The following NTRK3 variants were observed in gnomAD, a reference collection of about 807,000 sequenced individuals.
The protein encoded by NTRK3 is neurotrophic receptor tyrosine kinase 3.
A neutral mutation model predicts 91.7 loss-of-function variants in NTRK3; 24 were observed. The ratio of observed to expected loss-of-function variants is 0.26; its 90% CI spans 0.19 to 0.37. The LOEUF (loss-of-function observed/expected upper bound fraction) is 0.37. NTRK3 is among the 10% of genes least tolerant of loss of function. The pLI is 1.00. For missense variants in NTRK3, 880 were observed against 1,068.9 expected, an observed-to-expected ratio of 0.82 and a Z score of 2.46; for synonymous variants, 483 against 404.0, an observed-to-expected ratio of 1.20 and a Z score of -2.34.
At position 87,954,779 on chromosome 15, in the gene NTRK3, T is replaced by C. The variant is rs554918330; in HGVS notation, c.1586-14026A>G. Among the ~76,000 whole-genome samples, 4 of 152,382 alleles carry C rather than the reference T, an allele frequency of 2.6e-5. No homozygotes were observed. In the South Asian group the frequency reaches 8.3e-4, roughly 32 times the overall value. ...TTTTCACCTGCTGTGCTGTCTACAC[T>C]GTTTTCATCTAGTGGATGCTAAAAA... On this transcript the variant is annotated intron_variant, in intron 14 of 18. Transcript: ENST00000394480.
intron 14 of NTRK3, among the ~76,000 whole-genome samples, chr15:87,995,226 G>T (rs1289152902): frequency 6.6e-6 from 1 of 152,168 alleles, no homozygotes; most frequent in Non-Finnish European, 1.5e-5. Context: ...CACCAAATCT[G>T]TGCCTTAGCC....
chr15:88,014,680 CA>C (rs529466642), intron 14 of NTRK3, among the ~76,000 whole-genome samples: 21 of 152,154 alleles, frequency 1.4e-4, no homozygotes, highest in African/African-American at 3.1e-4. Context: ...TTCCACCTGC[CA>C]AAAAAACAGG....
chr15:87,910,175 A>G (rs147962900), intron 17 of NTRK3, among the ~76,000 whole-genome samples: 4,044 of 152,280 alleles, frequency 0.027, 72 homozygotes, highest in Middle Eastern at 0.061. Context: ...ATGAAGATTT[A>G]CTCACACAAG....
At chr15:87,978,807 C>A (rs1024491007) in intron 14 of NTRK3, 3 of 235,570 alleles carry the variant, frequency 1.3e-5, no homozygotes, top group African/African-American at 4.4e-5. Context: ...CTGGCTCCCC[C>A]TCCTCTTACC....
chr15:88,190,656 C>A (rs150334513), intron 3 of NTRK3, among the ~76,000 whole-genome samples: 38 of 152,340 alleles, frequency 2.5e-4, no homozygotes, highest in African/African-American at 8.4e-4. Context: ...CCTCTGCAGC[C>A]TCTTGGAGCC....
intron 13 of NTRK3, among the ~76,000 whole-genome samples, chr15:88,041,810 G>A (rs999921705): frequency 1.3e-4 from 16 of 119,474 alleles, no homozygotes; most frequent in African/African-American, 4.6e-4. Flanking sequence ...GCAAGTCTCC[G>A]CAGAAGTCCC....
At chr15:87,981,392 T>C in intron 14 of NTRK3, 1 of 1,613,956 alleles carries the variant, frequency 6.2e-7, no homozygotes, top group Non-Finnish European at 8.5e-7. Flanking sequence ...GGGGAATTAA[T>C]GGTCAGTATT....
chr15:88,236,562 A>G (rs562715216), intron 3 of NTRK3, among the ~76,000 whole-genome samples: 1 of 151,008 alleles, frequency 6.6e-6, no homozygotes, highest in East Asian at 1.9e-4. Flanking sequence ...AAAGAGAAGA[A>G]AAATACCAAC....
chr15:88,068,276 A>G (rs1333908028), intron 13 of NTRK3, among the ~76,000 whole-genome samples: 1 of 152,112 alleles, frequency 6.6e-6, no homozygotes, highest in Non-Finnish European at 1.5e-5. Flanking sequence ...TACTAAAAAC[A>G]TAAATATTAG....
intron 10 of NTRK3, among the ~76,000 whole-genome samples, chr15:88,129,169 G>A (rs2053578593): frequency 6.6e-6 from 1 of 152,186 alleles, no homozygotes; most frequent in Non-Finnish European, 1.5e-5. Flanking sequence ...AAAGTAATAT[G>A]CAGAGTTGAT....
chr15:87,976,225 G>A (rs1002623473), intron 14 of NTRK3, among the ~76,000 whole-genome samples: 5 of 152,118 alleles, frequency 3.3e-5, no homozygotes, highest in South Asian at 4.1e-4. Flanking sequence ...CCCTCAAGAA[G>A]AGATAAATGC....
chr15:87,993,495 T>A (rs149551567), intron 14 of NTRK3, among the ~76,000 whole-genome samples: 122 of 152,274 alleles, frequency 8.0e-4, no homozygotes, highest in African/African-American at 2.9e-3. Flanking sequence ...CCATTGTACA[T>A]CAGTAGAGAA....
chr15:88,013,785 T>C (rs2077043797), intron 14 of NTRK3, among the ~76,000 whole-genome samples: 1 of 152,106 alleles, frequency 6.6e-6, no homozygotes, highest in Non-Finnish European at 1.5e-5. Flanking sequence ...GTGGATTGAC[T>C]GAGCCCAGGT....
chr15:88,125,027 C>T (rs558708945), intron 13 of NTRK3, among the ~76,000 whole-genome samples: 21 of 152,224 alleles, frequency 1.4e-4, no homozygotes, highest in South Asian at 6.2e-4. Flanking sequence ...TTGCCCAGAC[C>T]GGAATGCAGT....
chr15:88,153,204 A>G (rs2043553338), intron 5 of NTRK3, among the ~76,000 whole-genome samples: 1 of 152,178 alleles, frequency 6.6e-6, no homozygotes, highest in South Asian at 2.1e-4. Flanking sequence ...CTTAAGATCT[A>G]ACATCATCAA....
At chr15:87,927,824 G>T (rs1022518351) in intron 17 of NTRK3, 3 of 152,148 alleles carry the variant, frequency 2.0e-5, no homozygotes, top group Non-Finnish European at 4.4e-5. Flanking sequence ...ATAAACTTCA[G>T]TTTTTTGTAA....
intron 14 of NTRK3, among the ~76,000 whole-genome samples, chr15:88,006,963 T>C (rs1324261243): frequency 6.6e-6 from 1 of 152,118 alleles, no homozygotes; most frequent in Non-Finnish European, 1.5e-5. Context: ...GAGAGTCTGC[T>C]CAGCTGGGAG....
chr15:88,176,612 T>A (rs1310836575), intron 5 of NTRK3, among the ~76,000 whole-genome samples: 3 of 152,140 alleles, frequency 2.0e-5, no homozygotes, highest in African/African-American at 7.2e-5. Flanking sequence ...CCCATGGAGA[T>A]CTTGGTCAGA....
intron 3 of NTRK3, among the ~76,000 whole-genome samples, chr15:88,212,324 C>T (rs1187324169): frequency 2.0e-5 from 3 of 152,076 alleles, no homozygotes; most frequent in Non-Finnish European, 2.9e-5. Flanking sequence ...GAGCCGAGAT[C>T]GCGCCACTGC....
Sources: allele counts gnomAD v4.1 joint callset (sites outside exome capture counted in the v4.1 genomes callset), GRCh38; gene constraint gnomAD v4.1.1; transcripts MANE v1.5; gene names NCBI Gene and HGNC (gene_info 2026-07-23, HGNC 2026-07-21).